The following ARHGAP24 variants were observed in gnomAD, a reference collection of about 807,000 sequenced individuals.
ARHGAP24 encodes the protein rho GTPase-activating protein 24.
Under a neutral mutation model 76.4 loss-of-function variants are expected in ARHGAP24, and 50 were observed. The observed-to-expected ratio is 0.65, with a 90% CI of 0.52 to 0.83. ARHGAP24 has a LOEUF of 0.83. Among genes scored for constraint, ARHGAP24 ranks in the 40% least tolerant of loss-of-function variants. ARHGAP24 has a pLI of 0.00. For missense variants in ARHGAP24, 930 were observed against 914.2 expected, an observed-to-expected ratio of 1.02 and a Z score of -0.22; for synonymous variants, 345 against 323.3, an observed-to-expected ratio of 1.07 and a Z score of -0.72.
chr4:85,894,979 AAAAAAAAAACAAAAC>A (rs1441304536), intron 3 of ARHGAP24, among the ~76,000 whole-genome samples: 25,180 of 61,746 alleles, frequency 0.41, 5,129 homozygotes, highest in Non-Finnish European at 0.47. Flanking sequence ...AAAAAAAAAA[AAAAAAAAAACAAAAC>A]AAAAAGCAAA....
At chr4:85,606,324 T>C (rs539185243) in intron 2 of ARHGAP24, among the ~76,000 whole-genome samples, 220 of 152,096 alleles carry the variant, frequency 1.4e-3, no homozygotes, top group Non-Finnish European at 2.6e-3. Flanking sequence ...CCATCCTGGC[T>C]AACACAGCGA....
chr4:85,475,799 G>A (rs1038888669), intron 1 of ARHGAP24, among the ~76,000 whole-genome samples: 1 of 151,900 alleles, frequency 6.6e-6, no homozygotes, highest in Admixed American at 6.6e-5. Flanking sequence ...GTGTGCGCGC[G>A]CGCGCATGTT....
intron 3 of ARHGAP24, among the ~76,000 whole-genome samples, chr4:85,787,739 G>A (rs145201492): frequency 2.8e-4 from 43 of 152,136 alleles, no homozygotes; most frequent in Non-Finnish European, 5.7e-4. Context: ...AGAGACATCA[G>A]GTTCTTGAGG....
chr4:85,703,460 C>T (rs1485776615), intron 2 of ARHGAP24, among the ~76,000 whole-genome samples: 1 of 152,110 alleles, frequency 6.6e-6, no homozygotes, highest in East Asian at 1.9e-4. Flanking sequence ...ACTTCATTAA[C>T]ACATCAAAAT....
At chr4:85,621,666 C>T (rs963748722) in intron 2 of ARHGAP24, among the ~76,000 whole-genome samples, 8 of 151,544 alleles carry the variant, frequency 5.3e-5, no homozygotes, top group Admixed American at 2.6e-4. Flanking sequence ...GGATCTAAGT[C>T]CTTCATCAGA....
At chr4:85,651,872 G>T (rs181671725) in intron 2 of ARHGAP24, among the ~76,000 whole-genome samples, 133 of 152,062 alleles carry the variant, frequency 8.7e-4, no homozygotes, top group Non-Finnish European at 1.6e-3. Flanking sequence ...TTATTTAAAT[G>T]GTTTTTATCT....
At chr4:85,894,827 G>T (rs1384670765) in intron 3 of ARHGAP24, among the ~76,000 whole-genome samples, 2 of 151,758 alleles carry the variant, frequency 1.3e-5, no homozygotes, top group Non-Finnish European at 2.9e-5. Flanking sequence ...TGGGCGTGGA[G>T]TCACATGCCT....
chr4:85,582,212 A>T (rs1727642819), intron 2 of ARHGAP24, among the ~76,000 whole-genome samples: 1 of 152,122 alleles, frequency 6.6e-6, no homozygotes, highest in South Asian at 2.1e-4. Flanking sequence ...CTATGAGAAG[A>T]TTTGTAAATA....
At chr4:85,895,001 C>CAAAAAAAAAAAAA (rs1222078793) in intron 3 of ARHGAP24, among the ~76,000 whole-genome samples, 21 of 54,328 alleles carry the variant, frequency 3.9e-4, no homozygotes, top group East Asian at 1.4e-3. Flanking sequence ...AAACAAAAAG[C>CAAAAAAAAAAAAA]AAAAAAAAAA....
At chr4:85,884,600 G>T (rs1290758059) in intron 3 of ARHGAP24, among the ~76,000 whole-genome samples, 2 of 152,116 alleles carry the variant, frequency 1.3e-5, no homozygotes, top group African/African-American at 2.4e-5. Context: ...TCCTCTGGGG[G>T]TCTATAAACT....
At chr4:85,939,443 A>T (rs1292795035) in intron 4 of ARHGAP24, among the ~76,000 whole-genome samples, 1 of 152,122 alleles carries the variant, frequency 6.6e-6, no homozygotes, top group African/African-American at 2.4e-5. Flanking sequence ...CAGACAAATT[A>T]TTTCATCTCT....
At chr4:85,753,984 T>G (rs555092902) in intron 3 of ARHGAP24, among the ~76,000 whole-genome samples, 1 of 152,234 alleles carries the variant, frequency 6.6e-6, no homozygotes, top group Non-Finnish European at 1.5e-5. Context: ...ATAATTTTTC[T>G]ATTGCCCTCT....
At chr4:85,744,039 TAAAAAC>T (rs1302068263) in intron 3 of ARHGAP24, among the ~76,000 whole-genome samples, 2 of 152,164 alleles carry the variant, frequency 1.3e-5, no homozygotes, top group Non-Finnish European at 2.9e-5. Context: ...TCCTCCATAT[TAAAAAC>T]AAAAACAAAA....
At chr4:85,541,559 A>T (rs1725704069) in intron 1 of ARHGAP24, among the ~76,000 whole-genome samples, 1 of 152,122 alleles carries the variant, frequency 6.6e-6, no homozygotes, top group African/African-American at 2.4e-5. Context: ...GCTTAACATA[A>T]TTTTTTGAAA....
At chr4:85,547,991 T>C (rs1175657750) in intron 1 of ARHGAP24, among the ~76,000 whole-genome samples, 3 of 152,364 alleles carry the variant, frequency 2.0e-5, no homozygotes, top group Non-Finnish European at 4.4e-5. Flanking sequence ...TATTTGTTTA[T>C]TTATGATATC....
intron 1 of ARHGAP24, among the ~76,000 whole-genome samples, chr4:85,561,699 T>C (rs1726606633): frequency 1.3e-5 from 2 of 152,314 alleles, no homozygotes; most frequent in Middle Eastern, 3.4e-3. Flanking sequence ...TATAGTTTTA[T>C]GCTTTTTGGT....
Position 85,972,125 on chromosome 4 carries a change from AT to A in ARHGAP24, c.695del (p.Leu232CysfsTer18). ...EPVIPYAKYE[D>X]FLSCAKLLSK... ...GTTATTCCTTATGCGAAGTATGAAG[AT>A]TTTTTGTCATGTGCCAAACTGCTCA... is the stretch of plus-strand genomic sequence containing the variant. On this transcript the variant is annotated frameshift_variant, in exon 6 of 10. Transcript: ENST00000395184. LOFTEE classifies it high-confidence loss of function. 6.2e-7 allele frequency: 1 copy of A among 1,613,838 alleles called. No homozygotes were observed. Among genetic ancestry groups the A allele is most frequent in the Non-Finnish European group, 8.5e-7 (1 of 1,179,964 alleles).
intron 3 of ARHGAP24, among the ~76,000 whole-genome samples, chr4:85,723,066 GA>G (rs1357766861): frequency 6.6e-6 from 1 of 152,150 alleles, no homozygotes; most frequent in East Asian, 1.9e-4. Flanking sequence ...CATATTTTAA[GA>G]AACCTGAATC....
intron 2 of ARHGAP24, among the ~76,000 whole-genome samples, chr4:85,613,702 C>A (rs1720464691): frequency 6.6e-6 from 1 of 152,154 alleles, no homozygotes; most frequent in Non-Finnish European, 1.5e-5. Context: ...AACCTGCTTG[C>A]CTAAGTTTAC....
Sources: gnomAD v4.1 joint callset for allele counts (sites outside exome capture counted in the v4.1 genomes callset) on GRCh38, gnomAD v4.1.1 for gene constraint, MANE v1.5 for transcripts, NCBI Gene and HGNC (gene_info 2026-07-23, HGNC 2026-07-21) for gene names.